The following SLC12A2 variants were observed in gnomAD, a reference collection of about 807,000 sequenced individuals.
SLC12A2 encodes the protein solute carrier family 12 member 2.
A neutral mutation model predicts 136.3 loss-of-function variants in SLC12A2; 67 were observed. The ratio of observed to expected loss-of-function variants is 0.49; its 90% CI spans 0.40 to 0.60. SLC12A2 has a LOEUF of 0.60. Ranked by LOEUF, SLC12A2 falls within the 20% of genes least tolerant of loss-of-function variation. The pLI is 0.00. For missense variants in SLC12A2, 1,322 were observed against 1,534.7 expected (o/e 0.86, Z 2.32); for synonymous variants, 619 against 562.9 (o/e 1.10, Z -1.41).
At chr5:128,156,090 A>G (rs1376675076) in intron 15 of SLC12A2, among the ~76,000 whole-genome samples, 2 of 152,222 alleles carry the variant, frequency 1.3e-5, no homozygotes, top group East Asian at 3.9e-4. Flanking sequence ...AGTGATGGAA[A>G]TGATTTAGAT....
chr5:128,101,893 C>A (rs1760752664), intron 1 of SLC12A2, among the ~76,000 whole-genome samples: 1 of 152,162 alleles, frequency 6.6e-6, no homozygotes, highest in African/African-American at 2.4e-5. Flanking sequence ...TCCTTTAACA[C>A]CACCATGTGG....
intron 4 of SLC12A2, among the ~76,000 whole-genome samples, chr5:128,116,568 T>C (rs1761359685): frequency 6.6e-6 from 1 of 152,060 alleles, no homozygotes; most frequent in Non-Finnish European, 1.5e-5. Flanking sequence ...GAAAAATCTG[T>C]TCACAAAGGA....
chr5:128,089,145 G>A (rs1212408734), intron 1 of SLC12A2, among the ~76,000 whole-genome samples: 3 of 146,328 alleles, frequency 2.1e-5, no homozygotes, highest in African/African-American at 7.6e-5. Flanking sequence ...TCCAGCCTGG[G>A]CAACAAGAGC....
chr5:128,135,394 T>A (rs1163977609), intron 6 of SLC12A2, among the ~76,000 whole-genome samples: 1 of 152,066 alleles, frequency 6.6e-6, no homozygotes, highest in East Asian at 1.9e-4. Flanking sequence ...GCCTATATTG[T>A]TTTGGAATTT....
intron 1 of SLC12A2, among the ~76,000 whole-genome samples, chr5:128,108,705 C>T (rs1175084040): frequency 6.6e-6 from 1 of 152,124 alleles, no homozygotes; most frequent in Non-Finnish European, 1.5e-5. Flanking sequence ...TGTAGTGATG[C>T]TGGGAATAAG....
intron 23 of SLC12A2, among the ~76,000 whole-genome samples, chr5:128,181,628 C>T (rs908812940): frequency 2.0e-5 from 3 of 152,130 alleles, no homozygotes; most frequent in Non-Finnish European, 4.4e-5. Flanking sequence ...TATGATTCCT[C>T]TACCCAAAAT....
intron 15 of SLC12A2, among the ~76,000 whole-genome samples, chr5:128,155,392 C>A (rs895444213): frequency 6.6e-6 from 1 of 151,892 alleles, no homozygotes; most frequent in South Asian, 2.1e-4. Flanking sequence ...ACCTTTATAC[C>A]CCATCCTCCC....
rs1338491761 is a variant in SLC12A2, at chr5:128,186,869, T to G, written c.*238T>G. On this transcript the variant is annotated 3_prime_UTR_variant, in exon 27 of 27. Coordinates refer to ENST00000262461, the MANE Select transcript of SLC12A2 (RefSeq NM_001046.3). ...TTCTTCTCTGTTGAACTGAAGTTTGTGAGAGTAGTTTTCCTTTGCTACTTG... is the reference window on the plus strand; with the variant it reads ...TTCTTCTCTGTTGAACTGAAGTTTGGGAGAGTAGTTTTCCTTTGCTACTTG... 5.4e-6 allele frequency: 2 copies of G among 371,658 alleles called. No individual in the cohort carries two copies. Among genetic ancestry groups the G allele is most frequent in the Non-Finnish European group, 4.8e-6 (1 of 206,638 alleles). The allele number at this position is 371,658 out of a possible 1,614,324, so 23.0% of individuals were successfully genotyped here.
chr5:128,134,582 G>A (rs902274993), intron 6 of SLC12A2, among the ~76,000 whole-genome samples: 1 of 152,014 alleles, frequency 6.6e-6, no homozygotes, highest in Non-Finnish European at 1.5e-5. Flanking sequence ...CAAATTAAAC[G>A]TTTGGCTTTG....
rs191581518 is a variant in SLC12A2, at chr5:128,137,213, G to A, written c.1409-1384G>A. 3.5e-4 allele frequency among the ~76,000 whole-genome samples: 53 copies of A among 152,208 alleles called. No homozygotes were observed. In the East Asian group the frequency reaches 8.1e-3, roughly 23 times the overall value. ...AACTTTTATAAAATATTCACACTCT[G>A]TTCCTCAGTGGTCACTCCAATTTCA... On this transcript the variant is annotated intron_variant, in intron 7 of 26. Transcript: ENST00000262461.
At chr5:128,141,284 T>G (rs1762356084) in intron 9 of SLC12A2, among the ~76,000 whole-genome samples, 1 of 152,190 alleles carries the variant, frequency 6.6e-6, no homozygotes, top group Non-Finnish European at 1.5e-5. Context: ...GGGTTCTTTT[T>G]AAGCAAATCT....
At chr5:128,093,877 C>T (rs1760426710) in intron 1 of SLC12A2, among the ~76,000 whole-genome samples, 1 of 152,102 alleles carries the variant, frequency 6.6e-6, no homozygotes, top group African/African-American at 2.4e-5. Flanking sequence ...GCCCAATGCT[C>T]CCTGCATTGT....
chr5:128,138,970 C>T (rs1762270142), intron 9 of SLC12A2, 62 bp downstream of exon 9: 1 of 1,101,840 alleles, frequency 9.1e-7, no homozygotes, highest in Non-Finnish European at 1.4e-6. Context: ...ACTATAAATA[C>T]TTATTTTTAT....
intron 2 of SLC12A2, 39 bp from the exon 3 acceptor site, chr5:128,114,170 ATTC>A (rs1561665096): frequency 3.7e-6 from 5 of 1,337,538 alleles, no homozygotes; most frequent in African/African-American, 1.5e-5. Flanking sequence ...ATGTTTGATT[ATTC>A]TTCTTCCTCT....
intron 9 of SLC12A2, among the ~76,000 whole-genome samples, chr5:128,139,518 A>C (rs1762292786): frequency 6.6e-6 from 1 of 152,222 alleles, no homozygotes; most frequent in African/African-American, 2.4e-5. Context: ...GTGGTCAACC[A>C]GTCTCTAATC....
chr5:128,101,583 C>T (rs1414468890), intron 1 of SLC12A2, among the ~76,000 whole-genome samples: 1 of 151,888 alleles, frequency 6.6e-6, no homozygotes, highest in African/African-American at 2.4e-5. Context: ...TTAACAGTGC[C>T]CTAAAATAAA....
intron 1 of SLC12A2, among the ~76,000 whole-genome samples, chr5:128,085,230 C>T (rs1346548007): frequency 6.6e-6 from 1 of 151,896 alleles, no homozygotes; most frequent in African/African-American, 2.4e-5. Context: ...AAGCTCAATT[C>T]TTGCAATCTT....
rs1760020337 is a variant in SLC12A2, at chr5:128,084,772, G to A, written c.756+62G>A. The A allele has an allele frequency of 4.8e-6, 7 of 1,466,648 alleles. No individual in the cohort carries two copies. The South Asian group carries it at 8.3e-5, about 17-fold the overall frequency. 90.9% of individuals were successfully genotyped at this position (1,466,648 alleles called of 1,614,324 possible). A position where few individuals can be genotyped will look rare whatever the true frequency, so the allele number is the denominator to read the frequency against. ...TGGTGCATGCCGACCGCGGGATGTG[G>A]CTGCAGACTCTTCCCGAGTTGAGGT... On this transcript the variant is annotated intron_variant, in intron 1 of 26. Transcript: ENST00000262461. This position sits in a 1 kb window ranked among gnomAD's most constrained non-coding sequence, Gnocchi z 5.6.
At position 128,152,579 on chromosome 5, in the gene SLC12A2, A is replaced by G. The variant is rs375962366; in HGVS notation, c.2264-127A>G. 427 of 680,904 alleles carry G rather than the reference A, an allele frequency of 6.3e-4. 7 individuals carry two copies. In the South Asian group the frequency reaches 6.7e-3, roughly 11 times the overall value. 42.2% of individuals were successfully genotyped at this position (680,904 alleles called of 1,614,324 possible). A position where few individuals can be genotyped will look rare whatever the true frequency, so the allele number is the denominator to read the frequency against. ...GCTGTATATGTGAACTATTGAAAGT[A>G]CAATAGTGTATTTCAGCAATTGACT... is the stretch of plus-strand genomic sequence containing the variant. On this transcript the variant is annotated intron_variant, in intron 14 of 26. Transcript: ENST00000262461.
Sources: gnomAD v4.1 joint callset for allele counts (sites outside exome capture counted in the v4.1 genomes callset) on GRCh38, gnomAD v4.1.1 for gene constraint, Gnocchi (gnomAD v3.1) non-coding constraint, MANE v1.5 for transcripts, NCBI Gene and HGNC (gene_info 2026-07-23, HGNC 2026-07-21) for gene names.